PARD3B: variants seen among roughly 807,000 people sequenced by gnomAD.
PARD3B encodes the protein partitioning defective 3 homolog B.
A neutral mutation model predicts 130.2 loss-of-function variants in PARD3B; 103 were observed. That is an observed-to-expected ratio of 0.79 (90% CI 0.67 to 0.93). The LOEUF (loss-of-function observed/expected upper bound fraction) is 0.93, where lower values mean the gene tolerates loss of function less well. PARD3B is among the 40% of genes least tolerant of loss of function. The pLI is 0.00. For synonymous variants in PARD3B, 583 were observed against 553.2 expected, an observed-to-expected ratio of 1.05 and a Z score of -0.76; for missense variants, 1,609 against 1,499.2, an observed-to-expected ratio of 1.07 and a Z score of -1.21.
At chr2:205,001,260 A>C (rs1311270695) in intron 3 of PARD3B, among the ~76,000 whole-genome samples, 1 of 152,188 alleles carries the variant, frequency 6.6e-6, no homozygotes, top group African/African-American at 2.4e-5. Context: ...AAATGCTGGA[A>C]ATACAGGCGT....
At chr2:205,199,364 C>T (rs1410743301) in intron 15 of PARD3B, among the ~76,000 whole-genome samples, 1 of 151,930 alleles carries the variant, frequency 6.6e-6, no homozygotes, top group Admixed American at 6.6e-5. Context: ...CATGTGGCTG[C>T]CTCAAGAACT....
intron 2 of PARD3B, among the ~76,000 whole-genome samples, chr2:204,855,392 AT>A (rs2044884319): frequency 6.6e-6 from 1 of 151,762 alleles, no homozygotes; most frequent in African/African-American, 2.4e-5. Context: ...AAATACAAAA[AT>A]TAGCTGGGTG....
intron 1 of PARD3B, among the ~76,000 whole-genome samples, chr2:204,593,324 G>C (rs553594508): frequency 6.6e-6 from 1 of 152,166 alleles, no homozygotes; most frequent in African/African-American, 2.4e-5. Flanking sequence ...TAGCAGTAGA[G>C]TGGTGGGTAG....
At chr2:205,191,989 G>A (rs1170819333) in intron 14 of PARD3B, among the ~76,000 whole-genome samples, 1 of 152,072 alleles carries the variant, frequency 6.6e-6, no homozygotes, top group African/African-American at 2.4e-5. Context: ...AAGTAACTGG[G>A]ACTACAGGTG....
chr2:205,379,472 G>A (rs935726869), intron 18 of PARD3B, among the ~76,000 whole-genome samples: 16 of 151,432 alleles, frequency 1.1e-4, no homozygotes, highest in Non-Finnish European at 1.5e-4. Context: ...TATTATATTT[G>A]GGGTTTTTTT....
intron 2 of PARD3B, among the ~76,000 whole-genome samples, chr2:204,869,367 A>G (rs1302751980): frequency 6.6e-6 from 1 of 152,150 alleles, no homozygotes; most frequent in Admixed American, 6.6e-5. Flanking sequence ...AGTGATTCAT[A>G]ATCAAACTTT....
chr2:204,761,902 C>T lies in PARD3B; in HGVS notation c.222+75620C>T, dbSNP rs1036816302. ...GTTATAATATGCATTATATATGTTG[C>T]CCTAGTGTCATGATATTTTTATGAA... On this transcript the variant is annotated intron_variant, in intron 2 of 22. Transcript: ENST00000406610. 2.6e-4 allele frequency among the ~76,000 whole-genome samples: 40 copies of T among 151,698 alleles called. 1 individual carries two copies. Among genetic ancestry groups the T allele is most frequent in the African/African-American group, 9.7e-4 (40 of 41,304 alleles).
intron 2 of PARD3B, among the ~76,000 whole-genome samples, chr2:204,833,890 G>A (rs757952342): frequency 2.6e-5 from 4 of 152,014 alleles, no homozygotes; most frequent in Admixed American, 6.6e-5. Context: ...CCACAAGCCC[G>A]GAGTGTCCCA....
chr2:205,492,882 C>A (rs1007499736), intron 20 of PARD3B, among the ~76,000 whole-genome samples: 2 of 152,024 alleles, frequency 1.3e-5, no homozygotes, highest in African/African-American at 4.8e-5. Flanking sequence ...GATGTTAAAT[C>A]TGGAGAGTAT....
chr2:204,935,352 A>G (rs895392792), intron 2 of PARD3B, among the ~76,000 whole-genome samples: 4 of 142,888 alleles, frequency 2.8e-5, no homozygotes, highest in Admixed American at 1.4e-4. Flanking sequence ...ACACGGTGAA[A>G]CCCTGTCTCT....
rs142133901 is a variant in PARD3B at position 205,344,082 on chromosome 2, G to A, written c.2630+42381G>A. ...CACTTAAGAAATTAGAGCTTCCAGC[G>A]GATACATGGTGTTTGATCTTTTAAT... On this transcript the variant is annotated intron_variant, in intron 18 of 22. Coordinates refer to ENST00000406610, the MANE Select transcript of PARD3B (RefSeq NM_001302769.2). Among the ~76,000 whole-genome samples the A allele has an allele frequency of 8.8e-3, 1,333 of 152,152 alleles. 9 individuals carry two copies. The highest frequency in any genetic ancestry group is 0.015 in the Non-Finnish European group (1,002 of 67,996).
intron 19 of PARD3B, among the ~76,000 whole-genome samples, chr2:205,426,255 ATACTAC>A (rs200957094): frequency 7.9e-5 from 12 of 152,080 alleles, no homozygotes; most frequent in African/African-American, 1.2e-4. Flanking sequence ...AATAATTTTA[ATACTAC>A]TACTACTAAT....
intron 15 of PARD3B, among the ~76,000 whole-genome samples, chr2:205,201,664 C>T (rs112271017): frequency 3.9e-5 from 6 of 152,226 alleles, no homozygotes; most frequent in African/African-American, 9.6e-5. Flanking sequence ...ATGGAGAAAC[C>T]CTGTCTCTAC....
At chr2:204,741,657 A>G (rs1285671023) in intron 2 of PARD3B, among the ~76,000 whole-genome samples, 2 of 152,082 alleles carry the variant, frequency 1.3e-5, no homozygotes. Context: ...CTTTTCTACC[A>G]CCTTTATAGA....
At chr2:205,526,557 G>A (rs999320063) in intron 21 of PARD3B, among the ~76,000 whole-genome samples, 6 of 152,106 alleles carry the variant, frequency 3.9e-5, no homozygotes, top group Non-Finnish European at 5.9e-5. Flanking sequence ...CCAACTGCTC[G>A]TCTGCTGTTT....
chr2:204,774,684 A>G (rs527743511), intron 2 of PARD3B, among the ~76,000 whole-genome samples: 39 of 152,260 alleles, frequency 2.6e-4, no homozygotes, highest in African/African-American at 9.1e-4. Flanking sequence ...AGGAAAATAC[A>G]CTTTGATTTA....
At chr2:204,631,262 T>G (rs13000363) in intron 1 of PARD3B, among the ~76,000 whole-genome samples, 6 of 128,836 alleles carry the variant, frequency 4.7e-5, no homozygotes, top group Admixed American at 7.8e-5. Context: ...TTTTTTTTTT[T>G]GTTTTTTAGA....
chr2:205,423,733 A>G (rs1313131212), intron 19 of PARD3B, among the ~76,000 whole-genome samples: 1 of 152,198 alleles, frequency 6.6e-6, no homozygotes. Context: ...TGTGATACCT[A>G]TACACCGTGG....
Position 205,070,800 on chromosome 2 carries a change from G to A in PARD3B, c.504+23110G>A, listed in dbSNP as rs188377829. Among the ~76,000 whole-genome samples, 56 of 152,116 alleles carry A rather than the reference G, an allele frequency of 3.7e-4. 1 individual carries two copies. The East Asian group carries it at 4.1e-3, about 11-fold the overall frequency. ...ATTTGTGAACTAACTTTGTCACTAC[G>A]TCCAGTTACTGTCAATATTTTTATA... is the stretch of plus-strand genomic sequence containing the variant. On this transcript the variant is annotated intron_variant, in intron 4 of 22. Coordinates refer to ENST00000406610, the MANE Select transcript of PARD3B (RefSeq NM_001302769.2).
Sources: allele counts gnomAD v4.1 joint callset (sites outside exome capture counted in the v4.1 genomes callset), GRCh38; gene constraint gnomAD v4.1.1; transcripts MANE v1.5; gene names NCBI Gene and HGNC (gene_info 2026-07-23, HGNC 2026-07-21).